Variants in CEP128 observed in about 807,000 individuals in gnomAD.
The protein encoded by CEP128 is centrosomal protein 128, also known as centrosomal protein 128kDa.
CEP128 carries 132 observed loss-of-function variants against 156.7 expected under a neutral mutation model. That is an observed-to-expected ratio of 0.84 (90% CI 0.73 to 0.97). The LOEUF (loss-of-function observed/expected upper bound fraction) is 0.97, where lower values mean the gene tolerates loss of function less well. CEP128 is among the 50% of genes least tolerant of loss of function. The pLI is 0.00. For synonymous variants in CEP128, 469 were observed against 448.9 expected, an observed-to-expected ratio of 1.04 and a Z score of -0.57; for missense variants, 1,252 against 1,281.9, an observed-to-expected ratio of 0.98 and a Z score of 0.36.
intron 23 of CEP128, among the ~76,000 whole-genome samples, chr14:80,523,733 T>C (rs752841494): frequency 6.6e-5 from 10 of 152,198 alleles, no homozygotes; most frequent in Non-Finnish European, 1.3e-4. Context: ...ATAAGTATTA[T>C]GACTTTCCAA....
intron 18 of CEP128, among the ~76,000 whole-genome samples, chr14:80,752,959 C>A (rs929930743): frequency 6.6e-6 from 1 of 152,110 alleles, no homozygotes; most frequent in Non-Finnish European, 1.5e-5. Flanking sequence ...TCAAACAACA[C>A]AATATAAACA....
At chr14:80,618,214 T>C (rs1337472017) in intron 19 of CEP128, among the ~76,000 whole-genome samples, 3 of 152,358 alleles carry the variant, frequency 2.0e-5, no homozygotes, top group Non-Finnish European at 1.5e-5. Flanking sequence ...TTTTATTCCA[T>C]ATCATTTTTT....
chr14:80,792,881 T>G lies in CEP128; in HGVS notation c.1439A>C (p.Glu480Ala). Residue 480 changes from glutamate (E) to alanine (A), a missense_variant, in exon 14 of 25, where the codon GAA (glutamate) becomes GCA (alanine). Transcript: ENST00000555265. ...TTCTTGAGCTTTCAGTTTCAGGTCTTCCCTCCTCTTCTCCGCCTCCTCTTT... is the reference window on the plus strand; with the variant it reads ...TTCTTGAGCTTTCAGTTTCAGGTCTGCCCTCCTCTTCTCCGCCTCCTCTTT... ...ALKEEAEKRR[E>A]DLKLKAQESI... 6.2e-7 allele frequency: 1 copy of G among 1,614,204 alleles called. No individual in the cohort carries two copies. The highest frequency in any genetic ancestry group is 8.5e-7 in the Non-Finnish European group (1 of 1,180,018).
chr14:80,948,658 G>A (rs17626988), intron 2 of CEP128, among the ~76,000 whole-genome samples: 65,491 of 151,918 alleles, frequency 0.43, 14,488 homozygotes, highest in Middle Eastern at 0.53. Context: ...CTACAAGAAG[G>A]AAAAAGTAGT....
chr14:80,932,270 T>A (rs892769411), intron 2 of CEP128, among the ~76,000 whole-genome samples: 3 of 152,220 alleles, frequency 2.0e-5, no homozygotes, highest in African/African-American at 7.2e-5. Flanking sequence ...AGCATGAGAA[T>A]GGACCAACAT....
At chr14:80,488,970 T>A (rs1887234988), downstream of CEP128, among the ~76,000 whole-genome samples, 1 of 114,524 alleles carries the variant, frequency 8.7e-6, no homozygotes, top group Non-Finnish European at 1.7e-5. Flanking sequence ...AACATCACAC[T>A]CCAGGGACTG....
intron 19 of CEP128, among the ~76,000 whole-genome samples, chr14:80,587,047 AT>A (rs34069304): frequency 2.5e-4 from 38 of 150,510 alleles, no homozygotes; most frequent in East Asian, 1.6e-3. Flanking sequence ...AGCTCTCAGT[AT>A]TTTTTTTTTA....
At chr14:80,596,882 A>T (rs1283702170) in intron 19 of CEP128, among the ~76,000 whole-genome samples, 1 of 151,154 alleles carries the variant, frequency 6.6e-6, no homozygotes, top group Non-Finnish European at 1.5e-5. Context: ...ATATCACAAA[A>T]ATGTCATATA....
At chr14:80,678,049 A>AAAAAAAATATATATATATAT in intron 19 of CEP128, among the ~76,000 whole-genome samples, 1 of 98,502 alleles carries the variant, frequency 1.0e-5, no homozygotes, top group African/African-American at 3.2e-5. Flanking sequence ...ATAAAAAAAA[A>AAAAAAAATATATATATATAT]ATATATATAT....
At chr14:80,553,097 T>G (rs762974179) in intron 21 of CEP128, among the ~76,000 whole-genome samples, 7 of 151,564 alleles carry the variant, frequency 4.6e-5, no homozygotes, top group Non-Finnish European at 7.4e-5. Context: ...TTTTTAATTA[T>G]ACTTTAAGGT....
rs151337408 is a variant in CEP128, at chr14:80,774,637, ATGTG to A, written c.2376+3241_2376+3244del. Among the ~76,000 whole-genome samples the A allele has an allele frequency of 2.7e-5, 4 of 150,450 alleles. No homozygotes were observed. The East Asian group carries it at 5.8e-4, about 22-fold the overall frequency. On this transcript the variant is annotated intron_variant, in intron 16 of 24. Transcript: ENST00000555265. ...TGTGTGTGTGTGTGCGTGTGTGTGT[ATGTG>A]TGTGTGTGTGTATACACACATACCT... is the stretch of plus-strand genomic sequence containing the variant.
At chr14:80,641,505 C>G (rs1894405470) in intron 19 of CEP128, among the ~76,000 whole-genome samples, 1 of 152,198 alleles carries the variant, frequency 6.6e-6, no homozygotes, top group African/African-American at 2.4e-5. Flanking sequence ...ATCAAAGGTG[C>G]AGAACCTGTC....
chr14:80,743,270 A>G lies in CEP128; in HGVS notation c.2614-3T>C. On this transcript the variant is annotated splice_region_variant and splice_polypyrimidine_tract_variant and intron_variant, in intron 18 of 24. Coordinates refer to ENST00000555265, the MANE Select transcript of CEP128 (RefSeq NM_152446.5). Reference sequence around the variant, plus strand: ...TCACAGAGCCACTGAAGTTTAGTCTAAAAAATAACATTTATATCTAATGGT... The same window carrying G: ...TCACAGAGCCACTGAAGTTTAGTCTGAAAAATAACATTTATATCTAATGGT... 6.2e-7 allele frequency: 1 copy of G among 1,600,386 alleles called. No homozygotes were observed. Among genetic ancestry groups the G allele is most frequent in the Non-Finnish European group, 8.6e-7 (1 of 1,169,426 alleles).
At chr14:80,867,845 C>T (rs1162124761) in intron 8 of CEP128, among the ~76,000 whole-genome samples, 2 of 151,986 alleles carry the variant, frequency 1.3e-5, no homozygotes, top group South Asian at 2.1e-4. Context: ...AAAGAACACC[C>T]AGATCCTTGA....
intron 19 of CEP128, among the ~76,000 whole-genome samples, chr14:80,616,966 C>T (rs1305339183): frequency 1.3e-5 from 2 of 152,118 alleles, no homozygotes; most frequent in Non-Finnish European, 2.9e-5. Flanking sequence ...AGACCATAAG[C>T]CAATGATTCT....
At chr14:80,831,444 T>C (rs562222636) in intron 12 of CEP128, 150 bp from the exon 13 acceptor site, 328 of 699,314 alleles carry the variant, frequency 4.7e-4, no homozygotes, top group Non-Finnish European at 6.9e-4. Flanking sequence ...GCCTGTTGTT[T>C]CAAGTTTTAT....
intron 21 of CEP128, among the ~76,000 whole-genome samples, chr14:80,536,314 A>G (rs1166957481): frequency 2.6e-5 from 4 of 152,178 alleles, no homozygotes; most frequent in Non-Finnish European, 5.9e-5. Flanking sequence ...TTTCTTATTA[A>G]CATGTAACAA....
intron 8 of CEP128, among the ~76,000 whole-genome samples, chr14:80,889,763 A>G (rs965583143): frequency 1.3e-5 from 2 of 152,218 alleles, no homozygotes; most frequent in Non-Finnish European, 2.9e-5. Context: ...AACAAAAGCC[A>G]AAATAGACAA....
intron 2 of CEP128, among the ~76,000 whole-genome samples, chr14:80,952,201 A>T (rs1886480574): frequency 6.7e-6 from 1 of 149,724 alleles, no homozygotes; most frequent in Non-Finnish European, 1.5e-5. Context: ...ACAAAAGCTG[A>T]TCACTTATTT....
Sources: gnomAD v4.1 joint callset for allele counts (sites outside exome capture counted in the v4.1 genomes callset) on GRCh38, gnomAD v4.1.1 for gene constraint, MANE v1.5 for transcripts, NCBI Gene and HGNC (gene_info 2026-07-23, HGNC 2026-07-21) for gene names.